RAI14: variants seen among roughly 807,000 people sequenced by gnomAD.
RAI14 encodes ankycorbin.
A neutral mutation model predicts 115.4 loss-of-function variants in RAI14; 45 were observed. The observed-to-expected ratio is 0.39, with a 90% CI of 0.31 to 0.50. The LOEUF is 0.50. RAI14 is among the 20% of genes least tolerant of loss of function. The pLI is 0.85. For missense variants in RAI14, 939 were observed against 1,131.2 expected, an observed-to-expected ratio of 0.83 and a Z score of 2.44; for synonymous variants, 371 against 415.4, an observed-to-expected ratio of 0.89 and a Z score of 1.30.
At chr5:34,796,975 G>A (rs969015135) in intron 4 of RAI14, among the ~76,000 whole-genome samples, 1 of 152,112 alleles carries the variant, frequency 6.6e-6, no homozygotes, top group Non-Finnish European at 1.5e-5. Flanking sequence ...AGCCAGTGTT[G>A]ACAAAAGATG....
chr5:34,716,586 T>C (rs1742028900), intron 2 of RAI14, among the ~76,000 whole-genome samples: 1 of 152,044 alleles, frequency 6.6e-6, no homozygotes, highest in African/African-American at 2.4e-5. Context: ...TTAATTTTTG[T>C]ATTTTTAGTA....
chr5:34,740,834 C>T (rs1186541431), intron 2 of RAI14, among the ~76,000 whole-genome samples: 1 of 152,202 alleles, frequency 6.6e-6, no homozygotes, highest in Non-Finnish European at 1.5e-5. Flanking sequence ...TTATTTTGGG[C>T]TTGCTATTAT....
At chr5:34,725,958 T>G (rs6880536) in intron 2 of RAI14, among the ~76,000 whole-genome samples, 79,087 of 142,766 alleles carry the variant, frequency 0.55, 22,596 homozygotes, top group African/African-American at 0.68. Context: ...GCGAAACTGC[T>G]TCTCAAAAAA....
At chr5:34,746,191 C>T (rs187732848) in intron 2 of RAI14, among the ~76,000 whole-genome samples, 76 of 150,450 alleles carry the variant, frequency 5.1e-4, no homozygotes, top group African/African-American at 1.7e-3. Context: ...CTGCAAGCTC[C>T]GCCTCCCGGG....
intron 17 of RAI14, among the ~76,000 whole-genome samples, chr5:34,830,053 T>C (rs1757866619): frequency 1.3e-5 from 2 of 152,116 alleles, no homozygotes; most frequent in Admixed American, 1.3e-4. Flanking sequence ...TGGCATAATC[T>C]CGCCTCACTG....
Position 34,757,477 on chromosome 5 carries a change from T to C in RAI14, c.46T>C (p.Trp16Arg). Reference protein sequence around the residue: ...AKFRKSDTNEWNKNDDRLLQA... With the variant: ...AKFRKSDTNERNKNDDRLLQA... ...TTCTCTTTCTCTACAGACCAATGAGTGGAACAAGAATGATGACCGGCTACT... is the reference window on the plus strand; with the variant it reads ...TTCTCTTTCTCTACAGACCAATGAGCGGAACAAGAATGATGACCGGCTACT... The change falls in exon 3 of 18, where the codon TGG (tryptophan) becomes CGG (arginine). Residue 16 changes from tryptophan (W) to arginine (R), a missense_variant. Coordinates refer to ENST00000265109, the MANE Select transcript of RAI14 (RefSeq NM_015577.3). The C allele has an allele frequency of 1.2e-6, 2 of 1,613,294 alleles. No homozygotes were observed. Among genetic ancestry groups the C allele is most frequent in the Non-Finnish European group, 8.5e-7 (1 of 1,179,758 alleles).
At chr5:34,730,508 T>C (rs1053994477) in intron 2 of RAI14, among the ~76,000 whole-genome samples, 1 of 151,860 alleles carries the variant, frequency 6.6e-6, no homozygotes. Flanking sequence ...AAACCCCGTC[T>C]CTACTAAAAA....
At chr5:34,825,066 A>T (rs1757301974) in intron 15 of RAI14, among the ~76,000 whole-genome samples, 1 of 151,676 alleles carries the variant, frequency 6.6e-6, no homozygotes, top group African/African-American at 2.4e-5. Context: ...TGATGGGAGG[A>T]TGGCTTGAGA....
intron 3 of RAI14, among the ~76,000 whole-genome samples, chr5:34,763,700 A>G (rs1748979795): frequency 1.3e-5 from 2 of 152,242 alleles, no homozygotes; most frequent in Admixed American, 6.5e-5. Flanking sequence ...AGAAGAGCTC[A>G]TGAGACACTG....
chr5:34,702,927 A>G (rs1345248640), intron 2 of RAI14, among the ~76,000 whole-genome samples: 3 of 152,218 alleles, frequency 2.0e-5, no homozygotes, highest in Non-Finnish European at 2.9e-5. Flanking sequence ...GCTTGTCTCG[A>G]ACTCCTGACC....
intron 3 of RAI14, among the ~76,000 whole-genome samples, chr5:34,768,717 G>A (rs1007346336): frequency 4.6e-5 from 7 of 152,052 alleles, no homozygotes; most frequent in Admixed American, 1.3e-4. Flanking sequence ...CCCCGGGTGC[G>A]GTGATTCACA....
intron 3 of RAI14, among the ~76,000 whole-genome samples, chr5:34,778,999 G>A (rs917901764): frequency 1.3e-5 from 2 of 151,872 alleles, no homozygotes; most frequent in African/African-American, 4.8e-5. Flanking sequence ...ACCGAATACA[G>A]CAACACATCA....
At chr5:34,749,624 G>A (rs368134793) in intron 2 of RAI14, among the ~76,000 whole-genome samples, 4 of 152,324 alleles carry the variant, frequency 2.6e-5, no homozygotes, top group East Asian at 1.9e-4. Flanking sequence ...AAGTAAGTCA[G>A]TGTCATTTGG....
chr5:34,713,171 C>T (rs1741601162), intron 2 of RAI14, among the ~76,000 whole-genome samples: 1 of 152,030 alleles, frequency 6.6e-6, no homozygotes, highest in Non-Finnish European at 1.5e-5. Context: ...TCATTCAGTC[C>T]CTGTCTTCTG....
intron 4 of RAI14, among the ~76,000 whole-genome samples, chr5:34,800,114 A>G (rs553845032): frequency 2.8e-4 from 42 of 152,332 alleles, no homozygotes; most frequent in African/African-American, 1.0e-3. Context: ...ATTATAGTGC[A>G]ATATCAACTG....
chr5:34,741,743 G>A (rs1426242279), intron 2 of RAI14, among the ~76,000 whole-genome samples: 8 of 152,124 alleles, frequency 5.3e-5, no homozygotes, highest in Non-Finnish European at 1.5e-5. Flanking sequence ...GGACAGCCAC[G>A]GATGGTTTTG....
intron 2 of RAI14, among the ~76,000 whole-genome samples, chr5:34,724,940 G>A (rs536952382): frequency 6.6e-6 from 1 of 152,084 alleles, no homozygotes; most frequent in African/African-American, 2.4e-5. Context: ...AGAATGGAGA[G>A]GTGGGGTCTC....
chr5:34,687,045 G>C, intron 2 of RAI14, 90 bp downstream of exon 2: 5 of 1,444,090 alleles, frequency 3.5e-6, no homozygotes, highest in Non-Finnish European at 3.9e-6. Flanking sequence ...GGCGCTGTTG[G>C]GTTAATAAAC....
At chr5:34,657,631 T>C (rs1742381528) in intron 1 of RAI14, among the ~76,000 whole-genome samples, 1 of 152,184 alleles carries the variant, frequency 6.6e-6, no homozygotes, top group Non-Finnish European at 1.5e-5. Flanking sequence ...TGGGATTCCG[T>C]CTTCCTTCCG....
Sources: gnomAD v4.1 joint callset for allele counts (sites outside exome capture counted in the v4.1 genomes callset) on GRCh38, gnomAD v4.1.1 for gene constraint, MANE v1.5 for transcripts, NCBI Gene and HGNC (gene_info 2026-07-23, HGNC 2026-07-21) for gene names.